Variants in DISP1 observed in about 807,000 individuals in gnomAD.
DISP1 encodes the protein dispatched RND transporter family member 1.
DISP1 carries 30 observed loss-of-function variants against 37.3 expected under a neutral mutation model. That is an observed-to-expected ratio of 0.80 (90% CI 0.60 to 1.09). DISP1 has a LOEUF of 1.09. Among genes scored for constraint, DISP1 ranks in the 50% least tolerant of loss-of-function variants. DISP1 has a pLI of 0.00. For synonymous variants in DISP1, 634 were observed against 690.2 expected, an observed-to-expected ratio of 0.92 and a Z score of 1.28; for missense variants, 1,598 against 1,879.5, an observed-to-expected ratio of 0.85 and a Z score of 2.77.
chr1:222,967,279 T>G (rs2102622740), intron 3 of DISP1, among the ~76,000 whole-genome samples: 1 of 152,330 alleles, frequency 6.6e-6, no homozygotes. Flanking sequence ...CTGTCTTCCC[T>G]TATTTGCTTT....
At chr1:222,944,661 A>T (rs1674636478) in intron 3 of DISP1, among the ~76,000 whole-genome samples, 2 of 152,246 alleles carry the variant, frequency 1.3e-5, no homozygotes, top group Non-Finnish European at 2.9e-5. Context: ...CTTCACCAGA[A>T]GCAATCACTG....
At chr1:222,877,568 C>T (rs891072797) in intron 1 of DISP1, among the ~76,000 whole-genome samples, 2 of 152,138 alleles carry the variant, frequency 1.3e-5, no homozygotes, top group African/African-American at 4.8e-5. Context: ...ACCATATCAG[C>T]CTTTTCTAGT....
At chr1:222,819,872 T>C in intron 1 of DISP1, among the ~76,000 whole-genome samples, 1 of 147,506 alleles carries the variant, frequency 6.8e-6, no homozygotes, top group East Asian at 2.0e-4. Context: ...TAATTTAAGG[T>C]GTTTAAAATT....
chr1:222,988,487 A>G (rs1476907047), intron 4 of DISP1, among the ~76,000 whole-genome samples: 2 of 152,158 alleles, frequency 1.3e-5, no homozygotes, highest in Non-Finnish European at 2.9e-5. Context: ...TGAACAATAT[A>G]ATAATTTATG....
intron 1 of DISP1, among the ~76,000 whole-genome samples, chr1:222,860,313 C>T (rs1402259577): frequency 6.6e-6 from 1 of 152,162 alleles, no homozygotes; most frequent in African/African-American, 2.4e-5. Context: ...CTCGGCCTCC[C>T]AAAGTGCTGG....
At chr1:222,948,163 G>T (rs912868878) in intron 3 of DISP1, among the ~76,000 whole-genome samples, 3 of 152,200 alleles carry the variant, frequency 2.0e-5, no homozygotes, top group African/African-American at 7.2e-5. Context: ...CAGAGTAACA[G>T]TAACAGTGAA....
chr1:222,864,459 C>T (rs192007949), intron 1 of DISP1, among the ~76,000 whole-genome samples: 31 of 152,010 alleles, frequency 2.0e-4, no homozygotes, highest in African/African-American at 4.8e-4. Context: ...ACCTGAGAAA[C>T]GACTCTGTAG....
chr1:222,868,713 T>G (rs965406148), intron 1 of DISP1, among the ~76,000 whole-genome samples: 2 of 152,148 alleles, frequency 1.3e-5, no homozygotes, highest in African/African-American at 4.8e-5. Context: ...GAATTGACTC[T>G]ACTCTGGTAT....
At position 223,005,961 on chromosome 1, in the gene DISP1, A is replaced by G. The variant is rs751806386; in HGVS notation, c.4564A>G (p.Lys1522Glu). Reference protein sequence around the residue: ...SELSGESLLIKTL With the variant: ...SELSGESLLIETL ...ACTTTCTGGTGAAAGTTTGTTAATA[A>G]AAACACTATAATAAATGCAGCATTC... is the stretch of plus-strand genomic sequence containing the variant. Residue 1522 changes from lysine (K) to glutamate (E), a missense_variant, in exon 9 of 9, where the codon AAA becomes GAA. Lys to Glu is a moderately conservative substitution (Grantham distance 56). Coordinates refer to ENST00000675850, the MANE Select transcript of DISP1 (RefSeq NM_001377229.1). 3 of 1,612,518 alleles carry G rather than the reference A, an allele frequency of 1.9e-6. No individual in the cohort carries two copies. In the African/African-American group the frequency reaches 4.0e-5, roughly 22 times the overall value.
chr1:222,881,789 T>C (rs1399450938), intron 1 of DISP1, among the ~76,000 whole-genome samples: 2 of 152,224 alleles, frequency 1.3e-5, no homozygotes, highest in African/African-American at 4.8e-5. Flanking sequence ...AGGAAAAATA[T>C]TGCCTTGACA....
At chr1:222,958,274 T>C (rs1675777270) in intron 3 of DISP1, among the ~76,000 whole-genome samples, 1 of 152,228 alleles carries the variant, frequency 6.6e-6, no homozygotes, top group African/African-American at 2.4e-5. Context: ...AAATTGTAAA[T>C]TATTTAACCA....
chr1:223,004,593 C>G lies in DISP1; in HGVS notation c.3196C>G (p.Pro1066Ala). 1 of 1,614,106 alleles carries G rather than the reference C, an allele frequency of 6.2e-7. No homozygotes were observed. Among genetic ancestry groups the G allele is most frequent in the Non-Finnish European group, 8.5e-7 (1 of 1,180,012 alleles). ...YGVAYRLAPD[P>A]DREGKVIFSL... ...GGTTGCCTACCGCTTGGCTCCAGAT[C>G]CCGACCGAGAAGGCAAAGTGATCTT... Residue 1066 changes from proline (P) to alanine (A), a missense_variant, in exon 9 of 9, where the codon CCC becomes GCC. Pro to Ala is a conservative substitution (Grantham distance 27, BLOSUM62 -1). Transcript: ENST00000675850. This position sits in a 1 kb window ranked among gnomAD's most constrained non-coding sequence, Gnocchi z 4.9.
At chr1:222,938,815 T>C (rs141000750) in intron 2 of DISP1, among the ~76,000 whole-genome samples, 124 of 151,046 alleles carry the variant, frequency 8.2e-4, no homozygotes, top group African/African-American at 2.9e-3. Context: ...GGATGATCTT[T>C]CTCTGTATGG....
At chr1:222,897,777 T>G (rs961278171) in intron 1 of DISP1, among the ~76,000 whole-genome samples, 1 of 152,206 alleles carries the variant, frequency 6.6e-6, no homozygotes, top group Non-Finnish European at 1.5e-5. Flanking sequence ...AATGTTTTTA[T>G]TTTAAAAATA....
chr1:222,841,193 ATT>A (rs1043902469), intron 1 of DISP1, among the ~76,000 whole-genome samples: 1 of 152,100 alleles, frequency 6.6e-6, no homozygotes, highest in African/African-American at 2.4e-5. Context: ...AGCATATTTT[ATT>A]TTCTTTCTCT....
chr1:222,913,482 A>G (rs527648126), intron 1 of DISP1, among the ~76,000 whole-genome samples: 3 of 152,278 alleles, frequency 2.0e-5, no homozygotes, highest in South Asian at 2.1e-4. Flanking sequence ...TCTTATAATC[A>G]TTCTTCTATT....
At chr1:222,903,139 A>G (rs1671693350) in intron 1 of DISP1, among the ~76,000 whole-genome samples, 1 of 151,948 alleles carries the variant, frequency 6.6e-6, no homozygotes, top group African/African-American at 2.4e-5. Flanking sequence ...TGATGAGTTC[A>G]TGTCCTTTAT....
At chr1:222,985,462 C>T (rs529977565) in intron 4 of DISP1, among the ~76,000 whole-genome samples, 68 of 152,278 alleles carry the variant, frequency 4.5e-4, no homozygotes, top group Non-Finnish European at 7.4e-4. Flanking sequence ...CCAGCCTGGC[C>T]AACATGGTGA....
In DISP1 at chr1:223,002,873, A is replaced by C; in HGVS notation, c.1476A>C (p.Lys492Asn). The change falls in exon 9 of 9, where the codon AAA becomes AAC. Residue 492 changes from lysine to asparagine, a missense_variant. Lys to Asn is a moderately conservative substitution (Grantham distance 94). Coordinates refer to ENST00000675850, the MANE Select transcript of DISP1 (RefSeq NM_001377229.1). ...TCACCGGGATTGAGTTTGGTATCAAACACAGTTTGTTTCAGGATTATCTTC... is the reference window on the plus strand; with the variant it reads ...TCACCGGGATTGAGTTTGGTATCAACCACAGTTTGTTTCAGGATTATCTTC... ...TTITGIEFGI[K>N]HSLFQDYLLM... is the part of the protein sequence containing the mutation. 6.2e-7 allele frequency: 1 copy of C among 1,613,942 alleles called. No individual in the cohort carries two copies. The highest frequency in any genetic ancestry group is 2.2e-5 in the East Asian group (1 of 44,876).
Sources: gnomAD v4.1 joint callset for allele counts (sites outside exome capture counted in the v4.1 genomes callset) on GRCh38, gnomAD v4.1.1 for gene constraint, Gnocchi (gnomAD v3.1) non-coding constraint, MANE v1.5 for transcripts, NCBI Gene and HGNC (gene_info 2026-07-23, HGNC 2026-07-21) for gene names.